Variants in LRCOL1 observed in about 807,000 individuals in gnomAD.
LRCOL1 encodes leucine rich colipase like 1.
In LRCOL1, 21 loss-of-function variants were observed where a neutral mutation model predicts 21.6. The ratio of observed to expected loss-of-function variants is 0.97; its 90% CI spans 0.69 to 1.40. LRCOL1 has a LOEUF of 1.40. LRCOL1 is among the 40% of genes most tolerant of loss of function. The pLI is 0.00. For synonymous variants in LRCOL1, 98 were observed against 90.1 expected (o/e 1.09, Z -0.49); for missense variants, 198 against 202.3 (o/e 0.98, Z 0.13).
At chr12:132,607,867 GTCTCTGTCTCTCCCTCTGTCTCTGTC>G (rs1484090467) in intron 1 of LRCOL1, among the ~76,000 whole-genome samples, 29 of 108,444 alleles carry the variant, frequency 2.7e-4, no homozygotes, top group African/African-American at 1.0e-3. Flanking sequence ...CTGCCTCTCT[GTCTCTGTCTCTCCCTCTGTCTCTGTC>G]TCTCTGTCTC....
At chr12:132,603,822 C>T (rs1157314497) in intron 5 of LRCOL1, 5 of 985,304 alleles carry the variant, frequency 5.1e-6, no homozygotes, top group Admixed American at 6.1e-5. Context: ...GCACCGAGCA[C>T]GGCTTGTCCC....
At chr12:132,605,907 G>C in intron 2 of LRCOL1, 2 of 533,040 alleles carry the variant, frequency 3.8e-6, no homozygotes, top group East Asian at 3.2e-5. Context: ...CCTGGTGCTG[G>C]GGTCGCCGTC....
At chr12:132,608,330 G>A (rs896444917) in intron 1 of LRCOL1, among the ~76,000 whole-genome samples, 15 of 152,132 alleles carry the variant, frequency 9.9e-5, no homozygotes, top group Non-Finnish European at 1.8e-4. Context: ...CAGCCTCCCC[G>A]CTCCCAGCAC....
rs1168544775 is a variant in LRCOL1, at chr12:132,604,475, A to C, written c.341T>G (p.Val114Gly). Reference sequence around the variant, plus strand: ...CCCGCAGCTCACCTTGCGCCAGGGCACACACTGCAGGAAGACGCTTTGGGG... The same window carrying C: ...CCCGCAGCTCACCTTGCGCCAGGGCCCACACTGCAGGAAGACGCTTTGGGG... ...CTPQSVFLQC[V>G]PWRKPNGDFC... The change falls in exon 4 of 6, where the codon GTG becomes GGG. Residue 114 changes from valine (V) to glycine (G), a missense_variant. Coordinates refer to ENST00000376608, the MANE Select transcript of LRCOL1 (RefSeq NM_001195520.2). 1 of 1,535,638 alleles carries C rather than the reference A, an allele frequency of 6.5e-7. No individual in the cohort carries two copies. Among genetic ancestry groups the C allele is most frequent in the Non-Finnish European group, 8.7e-7 (1 of 1,146,598 alleles).
chr12:132,605,087 C>T (rs2138304331), intron 2 of LRCOL1: 9 of 1,304,690 alleles, frequency 6.9e-6, no homozygotes, highest in Middle Eastern at 3.1e-4. Flanking sequence ...GGCAAGGATG[C>T]AGCAGCAGAG....
chr12:132,607,915 G>GTCTCTGTCTCTCTCCGTC (rs63256761), intron 1 of LRCOL1, among the ~76,000 whole-genome samples: 1 of 97,890 alleles, frequency 1.0e-5, no homozygotes, highest in African/African-American at 4.2e-5. Flanking sequence ...CCCTCTCTCC[G>GTCTCTGTCTCTCTCCGTC]TCTGTCTCTC....
In LRCOL1 at chr12:132,604,309, T is replaced by A; in HGVS notation, c.422A>T (p.Tyr141Phe). 1 of 1,535,772 alleles carries A rather than the reference T, an allele frequency of 6.5e-7. No individual in the cohort carries two copies. Among genetic ancestry groups the A allele is most frequent in the Non-Finnish European group, 8.7e-7 (1 of 1,146,830 alleles). The change falls in exon 5 of 6, where the codon TAC becomes TTC. Residue 141 changes from tyrosine (Y) to phenylalanine (F), a missense_variant. Physicochemically the swap from Tyr to Phe is conservative, Grantham distance 22. Coordinates refer to ENST00000376608, the MANE Select transcript of LRCOL1 (RefSeq NM_001195520.2). Reference sequence around the variant, plus strand: ...CCGGGGAATGCAGCGGAAGGGGCTGTACTCCCTCAGCTGGATGCAGCACTG... The same window carrying A: ...CCGGGGAATGCAGCGGAAGGGGCTGAACTCCCTCAGCTGGATGCAGCACTG... Reference protein sequence around the residue: ...HSQCCIQLREYSPFRCIPRTG... With the variant: ...HSQCCIQLREFSPFRCIPRTG...
rs543931988 is a variant in LRCOL1, at chr12:132,606,548, C to T, written c.-13-284G>A. Among the ~76,000 whole-genome samples the T allele has an allele frequency of 9.2e-5, 14 of 152,280 alleles. No homozygotes were observed. In the East Asian group the frequency reaches 2.7e-3, roughly 29 times the overall value. On this transcript the variant is annotated intron_variant, in intron 1 of 5. Transcript: ENST00000376608. The surrounding 1 kb of genome is among the most constrained non-coding windows in gnomAD (Gnocchi z 4.6). Reference sequence around the variant, plus strand: ...CACATCTGTCCACCATTGATAGACCCACAGGGACGTGCCATCATCACCCGG... The same window carrying T: ...CACATCTGTCCACCATTGATAGACCTACAGGGACGTGCCATCATCACCCGG...
chr12:132,604,092 T>C (rs960145061), intron 5 of LRCOL1, 162 bp downstream of exon 5: 1 of 1,428,186 alleles, frequency 7.0e-7, no homozygotes, highest in Non-Finnish European at 9.1e-7. Flanking sequence ...CCCCACCTTA[T>C]GAGATGGGCG....
Position 132,604,245 on chromosome 12 carries a change from G to A in LRCOL1, c.477+9C>T, listed in dbSNP as rs745766945. 37 of 1,529,618 alleles carry A rather than the reference G, an allele frequency of 2.4e-5. No homozygotes were observed. The South Asian group carries it at 3.0e-4, about 12-fold the overall frequency. 94.8% of individuals were successfully genotyped at this position (1,529,618 alleles called of 1,614,324 possible). A position where few individuals can be genotyped will look rare whatever the true frequency, so the allele number is the denominator to read the frequency against. On this transcript the variant is annotated intron_variant, in intron 5 of 5. Coordinates refer to ENST00000376608, the MANE Select transcript of LRCOL1 (RefSeq NM_001195520.2). ...GGGCCTGGAGGCTGAGCCCCCGCCC[G>A]GGACTTACCAGGGGCAGGCACTGGG...
In LRCOL1 at chr12:132,610,497, T is replaced by G. The variant is rs1161038747; in HGVS notation, c.-188A>C. The G allele has an allele frequency of 6.6e-6, 1 of 152,370 alleles. No homozygotes were observed. Among genetic ancestry groups the G allele is most frequent in the African/African-American group, 2.4e-5 (1 of 41,390 alleles). 9.4% of individuals were successfully genotyped at this position (152,370 alleles called of 1,614,324 possible). ...CTTCCTTCTCCGTCTTGTTCCCTCC[T>G]TCGGTCCCAGGAGAAAGACGCTCAT... is the stretch of plus-strand genomic sequence containing the variant. On this transcript the variant is annotated 5_prime_UTR_variant, in exon 1 of 6. Coordinates refer to ENST00000376608, the MANE Select transcript of LRCOL1 (RefSeq NM_001195520.2).
At chr12:132,605,868 A>G (rs989911443) in intron 2 of LRCOL1, 10 of 477,052 alleles carry the variant, frequency 2.1e-5, no homozygotes, top group Non-Finnish European at 3.7e-5. Context: ...TGCCTGGTTG[A>G]CGGTGGCCGT....
At chr12:132,604,441 C>T (rs901064201) in intron 4 of LRCOL1, 21 bp downstream of exon 4, 2 of 1,528,312 alleles carry the variant, frequency 1.3e-6, no homozygotes, top group African/African-American at 1.5e-5. Flanking sequence ...GCTCCATCTG[C>T]CCCGGGTGCC....
At chr12:132,604,655 G>T (rs569839676) in intron 3 of LRCOL1, 51 bp downstream of exon 3, 2 of 1,527,532 alleles carry the variant, frequency 1.3e-6, no homozygotes, top group African/African-American at 2.7e-5. Context: ...CAGGTAGGAG[G>T]GGGCCACAGG....
At position 132,606,104 on chromosome 12, in the gene LRCOL1, G is replaced by A. The variant is rs372219807; in HGVS notation, c.105+43C>T. ...GGGCGCCCGGCACCCACCTTATGGC[G>A]CGTGTGGGGCCTGCAGGGGCATCAG... is the stretch of plus-strand genomic sequence containing the variant. On this transcript the variant is annotated intron_variant, in intron 2 of 5. Coordinates refer to ENST00000376608, the MANE Select transcript of LRCOL1 (RefSeq NM_001195520.2). This position sits in a 1 kb window ranked among gnomAD's most constrained non-coding sequence, Gnocchi z 4.6. 9.7e-5 allele frequency: 148 copies of A among 1,521,712 alleles called. 1 individual carries two copies. The highest frequency in any genetic ancestry group is 6.1e-4 in the East Asian group (25 of 40,806). 94.3% of individuals were successfully genotyped at this position (1,521,712 alleles called of 1,614,324 possible). A position where few individuals can be genotyped will look rare whatever the true frequency, so the allele number is the denominator to read the frequency against.
At chr12:132,604,612 G>A in intron 3 of LRCOL1, 28 bp from the exon 4 acceptor site, 3 of 1,527,262 alleles carry the variant, frequency 2.0e-6, no homozygotes, top group East Asian at 2.5e-5. Context: ...CGTCATCCCT[G>A]CACCCACCAT....
intron 2 of LRCOL1, chr12:132,605,265 C>T (rs1395554635): frequency 3.3e-5 from 11 of 333,432 alleles, no homozygotes; most frequent in Admixed American, 6.4e-5. Context: ...CCCACACACA[C>T]GCAAGGTGCT....
At position 132,607,933 on chromosome 12, in the gene LRCOL1, C is replaced by T. The variant is rs191103691; in HGVS notation, c.-13-1669G>A. On this transcript the variant is annotated intron_variant, in intron 1 of 5. Transcript: ENST00000376608. ...TCTCTCCGTCTGTCTCTCTCTGTCTCTCCCTCTCTTTCTCTGCCTCTCCCT... is the reference window on the plus strand; with the variant it reads ...TCTCTCCGTCTGTCTCTCTCTGTCTTTCCCTCTCTTTCTCTGCCTCTCCCT... Among the ~76,000 whole-genome samples the T allele has an allele frequency of 3.4e-3, 522 of 151,362 alleles. 11 individuals carry two copies. Among genetic ancestry groups the T allele is most frequent in the African/African-American group, 0.012 (503 of 41,042 alleles).
In LRCOL1 at chr12:132,606,132, G is replaced by A; in HGVS notation, c.105+15C>T. 6.5e-7 allele frequency: 1 copy of A among 1,535,454 alleles called. No individual in the cohort carries two copies. The highest frequency in any genetic ancestry group is 8.7e-7 in the Non-Finnish European group (1 of 1,146,316). On this transcript the variant is annotated intron_variant, in intron 2 of 5. Coordinates refer to ENST00000376608, the MANE Select transcript of LRCOL1 (RefSeq NM_001195520.2). This position sits in a 1 kb window ranked among gnomAD's most constrained non-coding sequence, Gnocchi z 4.6. ...TGTGGGGCCTGCAGGGGCATCAGGG[G>A]TGCCCGGCACCCACCTTATGGGACA...
Sources: allele counts gnomAD v4.1 joint callset (sites outside exome capture counted in the v4.1 genomes callset), GRCh38; gene constraint gnomAD v4.1.1; non-coding constraint Gnocchi (gnomAD v3.1); transcripts MANE v1.5; gene names NCBI Gene and HGNC (gene_info 2026-07-23, HGNC 2026-07-21).